Variants in FLT3 observed in about 807,000 individuals in gnomAD.
FLT3 encodes the protein fms related receptor tyrosine kinase 3.
FLT3 carries 46 observed loss-of-function variants against 126.6 expected under a neutral mutation model. The ratio of observed to expected loss-of-function variants is 0.36; its 90% CI spans 0.29 to 0.46. The LOEUF (loss-of-function observed/expected upper bound fraction) is 0.46. Ranked by LOEUF, FLT3 falls within the 20% of genes least tolerant of loss-of-function variation. FLT3 has a pLI of 1.00. For synonymous variants in FLT3, 404 were observed against 434.4 expected (o/e 0.93, Z 0.87); for missense variants, 1,069 against 1,190.3 (o/e 0.90, Z 1.50).
intron 15 of FLT3, among the ~76,000 whole-genome samples, chr13:28,029,940 T>A (rs941608787): frequency 6.6e-6 from 1 of 152,194 alleles, no homozygotes; most frequent in Non-Finnish European, 1.5e-5. Flanking sequence ...TTGCGGCTCA[T>A]GTGCAGTTGG....
At chr13:28,081,393 A>G (rs913327776) in intron 1 of FLT3, among the ~76,000 whole-genome samples, 1 of 152,012 alleles carries the variant, frequency 6.6e-6, no homozygotes, top group East Asian at 1.9e-4. Context: ...CTTCCCTTCA[A>G]TTTCTGATTG....
intron 4 of FLT3, 111 bp from the exon 5 acceptor site, chr13:28,052,785 C>T: frequency 3.1e-6 from 2 of 653,546 alleles, no homozygotes; most frequent in Non-Finnish European, 4.8e-6. Flanking sequence ...ATTACGTATA[C>T]ATATTTTTTT....
At chr13:28,073,688 C>T (rs1877724656) in intron 1 of FLT3, among the ~76,000 whole-genome samples, 1 of 152,030 alleles carries the variant, frequency 6.6e-6, no homozygotes, top group South Asian at 2.1e-4. Flanking sequence ...AATCCCAGCG[C>T]TTTGGGAGGC....
intron 15 of FLT3, among the ~76,000 whole-genome samples, chr13:28,032,627 CAAAA>C (rs1566069738): frequency 6.6e-6 from 1 of 151,794 alleles, no homozygotes; most frequent in African/African-American, 2.4e-5. Flanking sequence ...GCCACAACAA[CAAAA>C]GCTGGATGGA....
intron 22 of FLT3, 95 bp from the exon 23 acceptor site, chr13:28,014,652 G>A: frequency 1.2e-6 from 1 of 812,376 alleles, no homozygotes; most frequent in East Asian, 2.6e-5. Context: ...TATTCCTCTG[G>A]AGCTGCTTAT....
chr13:28,054,492 C>T (rs528133755), intron 4 of FLT3, among the ~76,000 whole-genome samples: 2 of 151,774 alleles, frequency 1.3e-5, no homozygotes, highest in African/African-American at 2.4e-5. Flanking sequence ...GAGGGTGAGG[C>T]GGGAGGATCG....
At chr13:28,050,346 GTAAACAAGCCCATATC>G in intron 5 of FLT3, 124 bp from the exon 6 acceptor site, 3 of 858,930 alleles carry the variant, frequency 3.5e-6, no homozygotes, top group Non-Finnish European at 5.4e-6. Context: ...AGGTCAAAAG[GTAAACAAGCCCATATC>G]TATGGTTTCA....
chr13:28,056,981 A>G (rs1876068559), intron 4 of FLT3, among the ~76,000 whole-genome samples: 1 of 152,210 alleles, frequency 6.6e-6, no homozygotes, highest in African/African-American at 2.4e-5. Context: ...CGGGGCTCAG[A>G]GAAATTGTGA....
intron 9 of FLT3, 60 bp downstream of exon 9, chr13:28,048,215 G>A: frequency 7.2e-7 from 1 of 1,382,998 alleles, no homozygotes; most frequent in Admixed American, 2.1e-5. Flanking sequence ...TCCTTCTCAA[G>A]GGCGACAAGC....
At chr13:28,005,241 AT>A (rs1365563456) in intron 23 of FLT3, among the ~76,000 whole-genome samples, 1 of 152,162 alleles carries the variant, frequency 6.6e-6, no homozygotes, top group Non-Finnish European at 1.5e-5. Context: ...AGGCAGGAGA[AT>A]TGCTTGAACC....
intron 11 of FLT3, 49 bp downstream of exon 11, chr13:28,035,886 A>G (rs772715363): frequency 7.0e-7 from 1 of 1,426,668 alleles, no homozygotes; most frequent in African/African-American, 1.4e-5. Flanking sequence ...TCAATAGGTC[A>G]GAGAGTTTTA....
intron 2 of FLT3, among the ~76,000 whole-genome samples, chr13:28,069,283 T>C (rs1877297582): frequency 6.6e-6 from 1 of 152,144 alleles, no homozygotes; most frequent in African/African-American, 2.4e-5. Flanking sequence ...GAGATGATTA[T>C]ATGAGAACTC....
At chr13:28,052,024 A>G (rs1206797178) in intron 5 of FLT3, among the ~76,000 whole-genome samples, 2 of 151,838 alleles carry the variant, frequency 1.3e-5, no homozygotes, top group Non-Finnish European at 2.9e-5. Context: ...CCTTACCAAA[A>G]AAATCCTTGT....
chr13:28,017,723 G>A (rs1257698634), intron 20 of FLT3, among the ~76,000 whole-genome samples: 2 of 146,720 alleles, frequency 1.4e-5, no homozygotes, highest in Non-Finnish European at 3.0e-5. Flanking sequence ...GGAGTGCAGT[G>A]GCGCGATCTC....
Position 28,091,339 on chromosome 13 carries a change from A to G in FLT3, c.43+9129T>C, listed in dbSNP as rs1014013158. ...CGGGTTCACGCCATTCTCCTGCCTCAGCCTCCCGAGTAGCTGGGACTACAG... is the reference window on the plus strand; with the variant it reads ...CGGGTTCACGCCATTCTCCTGCCTCGGCCTCCCGAGTAGCTGGGACTACAG... On this transcript the variant is annotated intron_variant, in intron 1 of 23. Transcript: ENST00000241453. Among the ~76,000 whole-genome samples, 9 of 142,042 alleles carry G rather than the reference A, an allele frequency of 6.3e-5. No homozygotes were observed. In the East Asian group the frequency reaches 1.9e-3, roughly 30 times the overall value. 93.2% of individuals were successfully genotyped at this position (142,042 alleles called of 152,430 possible). A position where few individuals can be genotyped will look rare whatever the true frequency, so the allele number is the denominator to read the frequency against.
intron 23 of FLT3, among the ~76,000 whole-genome samples, chr13:28,013,166 A>G (rs1871545440): frequency 6.6e-6 from 1 of 152,182 alleles, no homozygotes; most frequent in Non-Finnish European, 1.5e-5. Context: ...GTCATTTTCA[A>G]AAAAATCACA....
chr13:28,073,896 C>T (rs984939453), intron 1 of FLT3, among the ~76,000 whole-genome samples: 2 of 147,006 alleles, frequency 1.4e-5, no homozygotes, highest in South Asian at 2.1e-4. Context: ...GCTATGATCA[C>T]GCCTCTGCAC....
chr13:28,027,575 T>C (rs910930339), intron 16 of FLT3, among the ~76,000 whole-genome samples: 10 of 152,268 alleles, frequency 6.6e-5, no homozygotes, highest in Non-Finnish European at 1.5e-4. Flanking sequence ...AACTATATGC[T>C]GATTTGCTGT....
intron 1 of FLT3, among the ~76,000 whole-genome samples, chr13:28,078,350 A>G (rs901604421): frequency 1.2e-4 from 18 of 152,160 alleles, no homozygotes; most frequent in African/African-American, 4.1e-4. Flanking sequence ...CCAAATCTCA[A>G]TTCTTGACTT....
Sources: allele counts gnomAD v4.1 joint callset (sites outside exome capture counted in the v4.1 genomes callset), GRCh38; gene constraint gnomAD v4.1.1; transcripts MANE v1.5; gene names NCBI Gene and HGNC (gene_info 2026-07-23, HGNC 2026-07-21).